MAP2: variants seen among roughly 807,000 people sequenced by gnomAD.
MAP2 encodes the protein microtubule associated protein 2.
In MAP2, 14 loss-of-function variants were observed where a neutral mutation model predicts 137.6. The ratio of observed to expected loss-of-function variants is 0.10; its 90% CI spans 0.07 to 0.16. The LOEUF (loss-of-function observed/expected upper bound fraction) is 0.16, where lower values mean the gene tolerates loss of function less well. MAP2 is among the 10% of genes least tolerant of loss of function. The pLI is 1.00. For missense variants in MAP2, 2,088 were observed against 2,191.5 expected (o/e 0.95, Z 0.94); for synonymous variants, 786 against 782.3 (o/e 1.00, Z -0.08).
chr2:209,447,279 A>C (rs1358116825), intron 1 of MAP2, among the ~76,000 whole-genome samples: 1 of 151,882 alleles, frequency 6.6e-6, no homozygotes, highest in Non-Finnish European at 1.5e-5. Flanking sequence ...AAGTCTGCAG[A>C]CTTGATTTTA....
At chr2:209,438,074 G>A (rs895508506) in intron 1 of MAP2, among the ~76,000 whole-genome samples, 1 of 151,608 alleles carries the variant, frequency 6.6e-6, no homozygotes, top group African/African-American at 2.4e-5. Context: ...TGTTATGGTA[G>A]TGAAATATAT....
intron 1 of MAP2, among the ~76,000 whole-genome samples, chr2:209,452,244 G>C (rs976090621): frequency 1.3e-5 from 2 of 152,156 alleles, no homozygotes; most frequent in Admixed American, 6.5e-5. Context: ...CAGAGTAGGG[G>C]AGAGGGTTGA....
chr2:209,592,171 T>A (rs1290677944), intron 3 of MAP2, among the ~76,000 whole-genome samples: 1 of 152,214 alleles, frequency 6.6e-6, no homozygotes, highest in Admixed American at 6.5e-5. Flanking sequence ...TTCTTGGCTT[T>A]GAGGGTCATC....
intron 4 of MAP2, among the ~76,000 whole-genome samples, chr2:209,626,441 C>T (rs2092335280): frequency 6.6e-6 from 1 of 152,044 alleles, no homozygotes; most frequent in Non-Finnish European, 1.5e-5. Context: ...ACAGCAAATA[C>T]CTAAGCATCC....
chr2:209,676,200 A>G (rs374345367), intron 5 of MAP2, among the ~76,000 whole-genome samples: 2 of 152,020 alleles, frequency 1.3e-5, no homozygotes, highest in Non-Finnish European at 2.9e-5. Context: ...GTGGAATACT[A>G]TGCAGCCATA....
chr2:209,671,153 G>A (rs2048688192), intron 5 of MAP2, among the ~76,000 whole-genome samples: 1 of 151,894 alleles, frequency 6.6e-6, no homozygotes, highest in African/African-American at 2.4e-5. Context: ...AAGCTGGTGG[G>A]GAAAGATCTG....
rs1249172204 is a variant in MAP2, at chr2:209,693,821, G to A, written c.1651G>A (p.Gly551Arg). The A allele has an allele frequency of 6.2e-7, 1 of 1,614,014 alleles. No homozygotes were observed. Among genetic ancestry groups the A allele is most frequent in the South Asian group, 1.1e-5 (1 of 91,050 alleles). The change falls in exon 8 of 16, where the codon GGA (glycine) becomes AGA (arginine). Residue 551 changes from glycine to arginine, a missense_variant. Gly to Arg is a moderately radical substitution (Grantham distance 125). Around this residue, in one of 6 missense-constraint regions of MAP2, gnomAD observed 859 missense variants for 794.5 expected, o/e 1.08. Coordinates refer to ENST00000682079, the MANE Select transcript of MAP2 (RefSeq NM_001375505.1). ...VDDKDKIEGV[G>R]AATSAELDMP... ...TGACAAAGATAAGATTGAAGGAGTT[G>A]GAGCTGCAACATCAGCTGAGCTTGA...
chr2:209,678,800 T>C, intron 6 of MAP2, 115 bp downstream of exon 6: 1 of 498,886 alleles, frequency 2.0e-6, no homozygotes, highest in Non-Finnish European at 3.5e-6. Flanking sequence ...ACATGTAACA[T>C]TCATCAGACA....
chr2:209,436,033 T>TA (rs1343206383), intron 1 of MAP2, among the ~76,000 whole-genome samples: 1 of 75,762 alleles, frequency 1.3e-5, no homozygotes, highest in African/African-American at 3.4e-5. Flanking sequence ...AAAATATATA[T>TA]ATATGTACTG....
intron 2 of MAP2, among the ~76,000 whole-genome samples, chr2:209,553,009 TTTG>T (rs1422948404): frequency 2.6e-5 from 4 of 151,560 alleles, no homozygotes; most frequent in East Asian, 3.9e-4. Context: ...AAAAGAATGT[TTTG>T]TTGTTGTTTT....
chr2:209,557,418 G>C, intron 2 of MAP2, among the ~76,000 whole-genome samples: 1 of 151,844 alleles, frequency 6.6e-6, no homozygotes, highest in Non-Finnish European at 1.5e-5. Flanking sequence ...AAAAAATGTG[G>C]TTTTTTTTCC....
chr2:209,428,162 T>A (rs1382643194), intron 1 of MAP2, among the ~76,000 whole-genome samples: 1 of 152,228 alleles, frequency 6.6e-6, no homozygotes, highest in African/African-American at 2.4e-5. Context: ...ATCTAATCTT[T>A]GATCTTTCCT....
Position 209,732,017 on chromosome 2 carries a change from T to A in MAP2, c.*1620T>A, listed in dbSNP as rs958508201. On this transcript the variant is annotated 3_prime_UTR_variant, in exon 16 of 16. Transcript: ENST00000682079. ...GACTTACAAATAAGGAATGAAATAG[T>A]CAATGGCCTGATTAAGGCAAAGAGC... The A allele has an allele frequency of 6.6e-6, 1 of 152,218 alleles. No homozygotes were observed. Among genetic ancestry groups the A allele is most frequent in the South Asian group, 2.1e-4 (1 of 4,834 alleles). 9.4% of individuals were successfully genotyped at this position (152,218 alleles called of 1,614,324 possible).
chr2:209,470,824 A>G (rs941157484), intron 1 of MAP2, among the ~76,000 whole-genome samples: 2 of 152,112 alleles, frequency 1.3e-5, no homozygotes, highest in African/African-American at 4.8e-5. Context: ...GAGGGCAAAA[A>G]CCACTTGCAC....
chr2:209,651,620 C>T (rs527535677), intron 4 of MAP2, among the ~76,000 whole-genome samples: 15 of 152,196 alleles, frequency 9.9e-5, no homozygotes, highest in African/African-American at 2.9e-4. Flanking sequence ...AGTGAGGTAG[C>T]GATACTCCCT....
chr2:209,721,795 G>A (rs879275233), intron 13 of MAP2: 5 of 152,140 alleles, frequency 3.3e-5, no homozygotes, highest in Non-Finnish European at 7.3e-5. Context: ...TTTAAACATA[G>A]TATGAAATCC....
chr2:209,503,382 GA>G (rs908173632), intron 1 of MAP2, among the ~76,000 whole-genome samples: 1 of 151,804 alleles, frequency 6.6e-6, no homozygotes, highest in Admixed American at 6.6e-5. Context: ...TTTTTATTTT[GA>G]TGATTGTTTC....
chr2:209,675,066 T>C (rs757227275), intron 5 of MAP2, among the ~76,000 whole-genome samples: 3 of 151,870 alleles, frequency 2.0e-5, no homozygotes, highest in Non-Finnish European at 4.4e-5. Context: ...GAACTCTATA[T>C]TATAAAATGT....
rs181184172 is a variant in MAP2, at chr2:209,668,327, C to T, written c.263-10245C>T. 2.8e-4 allele frequency among the ~76,000 whole-genome samples: 42 copies of T among 152,046 alleles called. No homozygotes were observed. In the East Asian group the frequency reaches 7.7e-3, roughly 28 times the overall value. On this transcript the variant is annotated intron_variant, in intron 5 of 15. Transcript: ENST00000682079. ...TTGACATGAATAAACAACATTGAAG[C>T]AAAATCATCAATGTAAAATTTTATT...
Sources: gnomAD v4.1 joint callset for allele counts (sites outside exome capture counted in the v4.1 genomes callset) on GRCh38, gnomAD v4.1.1 for gene constraint, gnomAD v4.1.1 regional missense constraint, MANE v1.5 for transcripts, NCBI Gene and HGNC (gene_info 2026-07-23, HGNC 2026-07-21) for gene names.